MGAT4C: variants seen among roughly 807,000 people sequenced by gnomAD.
MGAT4C encodes the protein MGAT4 family member C.
Under a neutral mutation model 40.1 loss-of-function variants are expected in MGAT4C, and 19 were observed. The observed-to-expected ratio is 0.47, with a 90% CI of 0.33 to 0.70. The LOEUF is 0.70. Ranked by LOEUF, MGAT4C falls within the 30% of genes least tolerant of loss-of-function variation. MGAT4C has a pLI of 0.02. For missense variants in MGAT4C, 491 were observed against 563.2 expected (o/e 0.87, Z 1.30); for synonymous variants, 181 against 187.1 (o/e 0.97, Z 0.27).
intron 2 of MGAT4C, among the ~76,000 whole-genome samples, chr12:86,589,374 T>A (rs1316289429): frequency 2.6e-5 from 4 of 151,882 alleles, no homozygotes; most frequent in Admixed American, 6.6e-5. Flanking sequence ...ATCTCTGAAT[T>A]GACCAATAAC....
intron 3 of MGAT4C, among the ~76,000 whole-genome samples, chr12:86,346,423 C>T (rs1955034053): frequency 6.6e-6 from 1 of 152,086 alleles, no homozygotes; most frequent in Admixed American, 6.6e-5. Context: ...TGGGGTTTCA[C>T]TATGTTGGCC....
chr12:86,524,093 A>T (rs74469840), intron 2 of MGAT4C, among the ~76,000 whole-genome samples: 1,703 of 152,206 alleles, frequency 0.011, 26 homozygotes, highest in African/African-American at 0.039. Context: ...CTTACATTCC[A>T]GGTTGGTATG....
intron 4 of MGAT4C, among the ~76,000 whole-genome samples, chr12:86,329,390 T>C (rs540104415): frequency 2.0e-4 from 30 of 152,274 alleles, no homozygotes. Flanking sequence ...AAACTAGTAT[T>C]AATCTTTCAC....
chr12:86,428,365 G>A (rs1956972154), intron 3 of MGAT4C, among the ~76,000 whole-genome samples: 1 of 152,132 alleles, frequency 6.6e-6, no homozygotes, highest in African/African-American at 2.4e-5. Context: ...GAGCAGGACT[G>A]AGGAGCATAA....
intron 3 of MGAT4C, among the ~76,000 whole-genome samples, chr12:86,391,822 T>A (rs1956165827): frequency 6.6e-6 from 1 of 151,882 alleles, no homozygotes; most frequent in African/African-American, 2.4e-5. Flanking sequence ...ATCGCGACAC[T>A]GCACTCCAGC....
At chr12:86,664,078 A>G (rs1964042644) in intron 2 of MGAT4C, among the ~76,000 whole-genome samples, 1 of 152,148 alleles carries the variant, frequency 6.6e-6, no homozygotes, top group Non-Finnish European at 1.5e-5. Context: ...ACAAACAATA[A>G]CAACAAACTG....
Position 85,972,747 on chromosome 12 carries a change from G to A in MGAT4C, c.*6542C>T, listed in dbSNP as rs1011217638. On this transcript the variant is annotated 3_prime_UTR_variant, in exon 5 of 5. Coordinates refer to ENST00000611864, the MANE Select transcript of MGAT4C (RefSeq NM_001351288.2). ...AGATAATTGGACAATTATGATAAAG[G>A]ATCTGAGATAATTATTCTAACTTTT... 1.3e-4 allele frequency: 20 copies of A among 150,918 alleles called. No homozygotes were observed. The highest frequency in any genetic ancestry group is 5.3e-4 in the Admixed American group (8 of 15,124). 9.3% of individuals were successfully genotyped at this position (150,918 alleles called of 1,614,324 possible).
chr12:86,504,197 A>T (rs1958429456), intron 2 of MGAT4C, among the ~76,000 whole-genome samples: 1 of 152,110 alleles, frequency 6.6e-6, no homozygotes, highest in Non-Finnish European at 1.5e-5. Flanking sequence ...AACAATTTTC[A>T]GTTTCATATA....
chr12:86,071,605 T>C (rs1453778543), intron 1 of MGAT4C, among the ~76,000 whole-genome samples: 2 of 152,112 alleles, frequency 1.3e-5, no homozygotes, highest in Admixed American at 6.6e-5. Flanking sequence ...CATAACACTA[T>C]GTGAATGATT....
At chr12:86,037,186 CTTT>C (rs1224064683) in intron 2 of MGAT4C, among the ~76,000 whole-genome samples, 1 of 149,756 alleles carries the variant, frequency 6.7e-6, no homozygotes, top group Non-Finnish European at 1.5e-5. Flanking sequence ...CTCTTTTCTT[CTTT>C]ATTAGTCTGG....
At chr12:86,027,944 T>G in intron 2 of MGAT4C, 1 of 224,206 alleles carries the variant, frequency 4.5e-6, no homozygotes, top group Non-Finnish European at 9.1e-6. Context: ...ATATTATAGA[T>G]CATAATAGCT....
chr12:86,335,482 C>T (rs1011966887), intron 3 of MGAT4C, among the ~76,000 whole-genome samples: 4 of 152,036 alleles, frequency 2.6e-5, no homozygotes, highest in African/African-American at 9.7e-5. Context: ...GGCCTGATAA[C>T]ACTGGCAAAT....
At chr12:86,213,749 G>A (rs1357426427) in intron 1 of MGAT4C, among the ~76,000 whole-genome samples, 1 of 152,136 alleles carries the variant, frequency 6.6e-6, no homozygotes, top group Non-Finnish European at 1.5e-5. Flanking sequence ...AAAGATGTTT[G>A]CCTGTCAAAA....
intron 2 of MGAT4C, among the ~76,000 whole-genome samples, chr12:86,012,605 A>T (rs1592683911): frequency 1.3e-5 from 2 of 152,054 alleles, no homozygotes; most frequent in African/African-American, 4.8e-5. Context: ...AAAAAAAATT[A>T]GCCAGGAGTG....
intron 1 of MGAT4C, among the ~76,000 whole-genome samples, chr12:86,120,829 C>T (rs145399022): frequency 0.025 from 3,879 of 152,230 alleles, 179 homozygotes; most frequent in African/African-American, 0.088. Context: ...AAAATCAGAG[C>T]GCCTCTTCTC....
rs868379475 is a variant in MGAT4C, at chr12:86,430,620, G to A, written c.-120+4537C>T. 7.9e-5 allele frequency among the ~76,000 whole-genome samples: 12 copies of A among 152,216 alleles called. 1 individual carries two copies. The South Asian group carries it at 8.3e-4, about 11-fold the overall frequency. On this transcript the variant is annotated intron_variant, in intron 3 of 7. Transcript: ENST00000548651. ...GGGTGAGTACTGTGATGGATTTTGA[G>A]GTCAGTCACAAGATGTGTACTCTGG... is the stretch of plus-strand genomic sequence containing the variant.
chr12:86,246,211 A>T lies in MGAT4C; in HGVS notation c.-57+10028T>A, dbSNP rs1435825496. ...TTTTTTTTTTTTTTTTTTGAGACAGAGTCTCGCTCAGTTGCCAAGGCTGGA... is the reference window on the plus strand; with the variant it reads ...TTTTTTTTTTTTTTTTTTGAGACAGTGTCTCGCTCAGTTGCCAAGGCTGGA... On this transcript the variant is annotated intron_variant, in intron 1 of 4. Transcript: ENST00000611864. Among the ~76,000 whole-genome samples, 3 of 112,798 alleles carry T rather than the reference A, an allele frequency of 2.7e-5. No homozygotes were observed. In the East Asian group the frequency reaches 8.8e-4, roughly 33 times the overall value. The allele number at this position is 112,798 out of a possible 152,430, so 74.0% of individuals were successfully genotyped here. A position where few individuals can be genotyped will look rare whatever the true frequency, so the allele number is the denominator to read the frequency against.
chr12:86,146,332 T>G (rs1883509607), intron 1 of MGAT4C, among the ~76,000 whole-genome samples: 2 of 152,166 alleles, frequency 1.3e-5, no homozygotes, highest in Non-Finnish European at 2.9e-5. Context: ...CATCGTGTTT[T>G]CACTTCAACA....
At chr12:86,666,001 A>G (rs966877096) in intron 2 of MGAT4C, among the ~76,000 whole-genome samples, 1 of 152,148 alleles carries the variant, frequency 6.6e-6, no homozygotes, top group Non-Finnish European at 1.5e-5. Flanking sequence ...GAAAATAACT[A>G]CATTTTTTAA....
Sources: allele counts gnomAD v4.1 joint callset (sites outside exome capture counted in the v4.1 genomes callset), GRCh38; gene constraint gnomAD v4.1.1; transcripts MANE v1.5; gene names NCBI Gene and HGNC (gene_info 2026-07-23, HGNC 2026-07-21).